Variants in INPP4B observed in about 807,000 individuals in gnomAD.
The protein encoded by INPP4B is inositol polyphosphate 4-phosphatase type II.
A neutral mutation model predicts 122.5 loss-of-function variants in INPP4B; 55 were observed. The observed-to-expected ratio is 0.45, with a 90% confidence interval of 0.36 to 0.56. The LOEUF (loss-of-function observed/expected upper bound fraction) is 0.56. INPP4B is among the 20% of genes least tolerant of loss of function. INPP4B has a pLI of 0.00. For missense variants in INPP4B, 1,000 were observed against 1,097.7 expected, an observed-to-expected ratio of 0.91 and a Z score of 1.26; for synonymous variants, 403 against 388.7, an observed-to-expected ratio of 1.04 and a Z score of -0.43.
chr4:142,637,047 A>C (rs1187077631), intron 2 of INPP4B, among the ~76,000 whole-genome samples: 1 of 152,128 alleles, frequency 6.6e-6, no homozygotes, highest in Non-Finnish European at 1.5e-5. Flanking sequence ...TTTATTTTTT[A>C]AAGCAGTTTT....
At chr4:142,571,203 T>C (rs941947699) in intron 2 of INPP4B, among the ~76,000 whole-genome samples, 1 of 151,990 alleles carries the variant, frequency 6.6e-6, no homozygotes, top group South Asian at 2.1e-4. Context: ...CCTGCCTTTA[T>C]TTTTCTCTTC....
intron 1 of INPP4B, among the ~76,000 whole-genome samples, chr4:142,750,836 C>T (rs993999014): frequency 9.9e-5 from 15 of 151,986 alleles, no homozygotes; most frequent in African/African-American, 3.6e-4. Context: ...TAAACAATTC[C>T]TGAGGAGGGG....
intron 7 of INPP4B, among the ~76,000 whole-genome samples, chr4:142,316,304 C>T (rs942291619): frequency 6.6e-6 from 1 of 152,082 alleles, no homozygotes; most frequent in Admixed American, 6.5e-5. Context: ...TTGGTAGCTG[C>T]ATTAACATTT....
intron 3 of INPP4B, among the ~76,000 whole-genome samples, chr4:142,452,552 A>T (rs556997060): frequency 1.4e-4 from 21 of 152,300 alleles, no homozygotes; most frequent in South Asian, 4.2e-4. Flanking sequence ...AAGAGGTATA[A>T]AGAAACTGGT....
intron 1 of INPP4B, among the ~76,000 whole-genome samples, chr4:142,830,040 C>A (rs894803647): frequency 2.6e-5 from 4 of 152,024 alleles, no homozygotes; most frequent in Non-Finnish European, 5.9e-5. Context: ...AATGTTTAAG[C>A]TCTATTGAAA....
Position 142,776,509 on chromosome 4 carries a change from A to C in INPP4B, c.-253-50608T>G, listed in dbSNP as rs866504375. The stretch of plus-strand genomic sequence containing the variant: ...TGAAGCTTCAGTGCTCATCATTTGC[A>C]CTGGCTTTCTTAGGTATTGGAAGTT... On this transcript the variant is annotated intron_variant, in intron 1 of 25. Coordinates refer to ENST00000262992, the MANE Select transcript of INPP4B (RefSeq NM_001101669.3). Among the ~76,000 whole-genome samples the C allele has an allele frequency of 1.3e-4, 20 of 152,266 alleles. No individual in the cohort carries two copies. In the South Asian group the frequency reaches 2.1e-3, roughly 16 times the overall value.
intron 25 of INPP4B, among the ~76,000 whole-genome samples, chr4:142,051,082 T>C (rs1340599211): frequency 6.6e-6 from 1 of 152,060 alleles, no homozygotes; most frequent in East Asian, 1.9e-4. Context: ...TGTGTTGAGA[T>C]ATGTAAACTA....
intron 2 of INPP4B, among the ~76,000 whole-genome samples, chr4:142,485,539 T>C (rs1275257779): frequency 2.6e-5 from 4 of 152,160 alleles, no homozygotes. Context: ...AAAACTAGTA[T>C]GAATATGGGC....
chr4:142,795,568 T>C (rs909335481), intron 1 of INPP4B: 1 of 152,044 alleles, frequency 6.6e-6, no homozygotes, highest in African/African-American at 2.4e-5. Context: ...TTTAAAGCTG[T>C]TTTTCAGTTT....
In INPP4B at chr4:142,812,739, A is replaced by T. The variant is rs564474216; in HGVS notation, c.-254+33470T>A. Among the ~76,000 whole-genome samples the T allele has an allele frequency of 4.7e-4, 71 of 152,284 alleles. No individual in the cohort carries two copies. The South Asian group carries it at 0.014, about 31-fold the overall frequency. ...TTAGAACACCTAATTTTAGTGAAATATTTTTGAGCAATAAAGACTTCTAGA... is the reference window on the plus strand; with the variant it reads ...TTAGAACACCTAATTTTAGTGAAATTTTTTTGAGCAATAAAGACTTCTAGA... On this transcript the variant is annotated intron_variant, in intron 1 of 25. Coordinates refer to ENST00000262992, the MANE Select transcript of INPP4B (RefSeq NM_001101669.3).
intron 23 of INPP4B, among the ~76,000 whole-genome samples, chr4:142,096,757 CA>C (rs1183692320): frequency 2.6e-5 from 4 of 151,892 alleles, no homozygotes; most frequent in African/African-American, 9.7e-5. Context: ...AATATATGAA[CA>C]GAAAATAAAA....
intron 14 of INPP4B, among the ~76,000 whole-genome samples, chr4:142,205,088 A>C (rs1013007497): frequency 6.6e-6 from 1 of 152,118 alleles, no homozygotes; most frequent in African/African-American, 2.4e-5. Context: ...ATCAGAAACT[A>C]AACATATTGT....
At chr4:142,535,683 T>A (rs1026486285) in intron 2 of INPP4B, among the ~76,000 whole-genome samples, 4 of 152,146 alleles carry the variant, frequency 2.6e-5, no homozygotes, top group Non-Finnish European at 5.9e-5. Context: ...CACATTATAA[T>A]TATTGTTATG....
intron 9 of INPP4B, among the ~76,000 whole-genome samples, chr4:142,296,287 T>TA (rs140587777): frequency 3.1e-4 from 47 of 151,842 alleles, no homozygotes; most frequent in African/African-American, 9.9e-4. Context: ...ATTAGGAACA[T>TA]AAAAAAAATA....
chr4:142,836,529 A>G (rs17016828), intron 1 of INPP4B, among the ~76,000 whole-genome samples: 10,785 of 152,140 alleles, frequency 0.071, 1,294 homozygotes, highest in African/African-American at 0.25. Context: ...CTGCTGTTGG[A>G]AAAACGCTTA....
intron 3 of INPP4B, among the ~76,000 whole-genome samples, chr4:142,456,704 T>C (rs1345213079): frequency 3.3e-5 from 5 of 152,114 alleles, no homozygotes; most frequent in African/African-American, 1.2e-4. Flanking sequence ...AAGATCTATT[T>C]AAATAGAGAT....
intron 2 of INPP4B, among the ~76,000 whole-genome samples, chr4:142,546,862 C>G (rs1360955949): frequency 6.6e-6 from 1 of 152,000 alleles, no homozygotes; most frequent in Non-Finnish European, 1.5e-5. Flanking sequence ...GTAAAACATG[C>G]TTGCTGAGTA....
intron 2 of INPP4B, among the ~76,000 whole-genome samples, chr4:142,620,481 T>C (rs1351938813): frequency 1.3e-5 from 2 of 151,736 alleles, no homozygotes; most frequent in African/African-American, 4.8e-5. Context: ...AAGAAGGAAA[T>C]AATAGACACT....
chr4:142,416,495 G>A (rs1190865590), intron 5 of INPP4B, among the ~76,000 whole-genome samples: 1 of 152,052 alleles, frequency 6.6e-6, no homozygotes, highest in Non-Finnish European at 1.5e-5. Flanking sequence ...CTGAAAATTT[G>A]TTTGGGCTTA....
Sources: allele counts gnomAD v4.1 joint callset (sites outside exome capture counted in the v4.1 genomes callset), GRCh38; gene constraint gnomAD v4.1.1; transcripts MANE v1.5; gene names NCBI Gene and HGNC (gene_info 2026-07-23, HGNC 2026-07-21).